Variants in PGM5 observed in about 807,000 individuals in gnomAD.
PGM5 encodes the protein phosphoglucomutase 5.
Under a neutral mutation model 59.2 loss-of-function variants are expected in PGM5, and 23 were observed. The observed-to-expected ratio is 0.39, with a 90% CI of 0.28 to 0.55. The LOEUF is 0.55. Ranked by LOEUF, PGM5 falls within the 20% of genes least tolerant of loss-of-function variation. The pLI is 0.66. For synonymous variants in PGM5, 214 were observed against 286.0 expected (o/e 0.75, Z 2.54); for missense variants, 574 against 748.3 (o/e 0.77, Z 2.72).
intron 6 of PGM5, among the ~76,000 whole-genome samples, chr9:68,416,592 G>A (rs1457474429): frequency 6.6e-6 from 1 of 152,196 alleles, no homozygotes; most frequent in Non-Finnish European, 1.5e-5. Context: ...TAAAGAATAT[G>A]TATTCTCTTT....
At chr9:68,443,010 C>A (rs1473776187) in intron 6 of PGM5, among the ~76,000 whole-genome samples, 2 of 152,188 alleles carry the variant, frequency 1.3e-5, no homozygotes, top group Admixed American at 1.3e-4. Flanking sequence ...TAAAACTAAA[C>A]AGATGCTTAC....
intron 8 of PGM5, among the ~76,000 whole-genome samples, chr9:68,483,112 A>G (rs1479785115): frequency 6.6e-6 from 1 of 150,828 alleles, no homozygotes; most frequent in Non-Finnish European, 1.5e-5. Flanking sequence ...CCCATTTTTC[A>G]TTCCATTCTA....
At chr9:68,478,740 T>G (rs1824144458) in intron 7 of PGM5, among the ~76,000 whole-genome samples, 1 of 152,232 alleles carries the variant, frequency 6.6e-6, no homozygotes, top group East Asian at 1.9e-4. Context: ...CTTCTCCTCT[T>G]CTTATAAGAA....
At chr9:68,373,273 G>C (rs1482673381) in intron 1 of PGM5, among the ~76,000 whole-genome samples, 1 of 150,118 alleles carries the variant, frequency 6.7e-6, no homozygotes, top group Admixed American at 6.7e-5. Context: ...CCAGATGATA[G>C]GACCATGTCC....
At chr9:68,519,269 G>T (rs1391365555) in intron 10 of PGM5, among the ~76,000 whole-genome samples, 3 of 152,118 alleles carry the variant, frequency 2.0e-5, no homozygotes, top group Non-Finnish European at 4.4e-5. Flanking sequence ...TTAAAAATAG[G>T]AGTTGGTATA....
chr9:68,518,069 C>CCAAAGAGGCAG (rs1824848339), intron 10 of PGM5, among the ~76,000 whole-genome samples: 1 of 152,176 alleles, frequency 6.6e-6, no homozygotes, highest in South Asian at 2.1e-4. Flanking sequence ...AGGAGACTAA[C>CCAAAGAGGCAG]CAAAGAGGCA....
rs868949450 is a variant in PGM5 at position 68,385,877 on chromosome 9, G to C, written c.571+1333G>C. On this transcript the variant is annotated intron_variant, in intron 3 of 10. Transcript: ENST00000396396. ...AGGAGATAGGTAGAGAGATTCCCTG[G>C]CTTCCAAGAATTTGGAGATAATCGT... 2.6e-5 allele frequency among the ~76,000 whole-genome samples: 4 copies of C among 152,144 alleles called. No homozygotes were observed. The Middle Eastern group carries it at 0.014, about 517-fold the overall frequency.
At chr9:68,449,829 C>T (rs1823667647) in intron 6 of PGM5, among the ~76,000 whole-genome samples, 1 of 152,200 alleles carries the variant, frequency 6.6e-6, no homozygotes, top group Admixed American at 6.5e-5. Flanking sequence ...GACTGGCTTA[C>T]AAGTGTCGCA....
chr9:68,445,210 GAAA>G (rs147056641), intron 6 of PGM5, among the ~76,000 whole-genome samples: 1 of 150,444 alleles, frequency 6.6e-6, no homozygotes, highest in African/African-American at 2.4e-5. Context: ...TAGATAGGTG[GAAA>G]AAAAAATCCC....
intron 1 of PGM5, among the ~76,000 whole-genome samples, chr9:68,376,109 A>G (rs1459321824): frequency 2.0e-5 from 3 of 151,540 alleles, no homozygotes; most frequent in Non-Finnish European, 4.4e-5. Flanking sequence ...GGACAAGGAA[A>G]GCTATTGGAA....
intron 6 of PGM5, among the ~76,000 whole-genome samples, chr9:68,415,379 G>A (rs1440018484): frequency 6.7e-6 from 1 of 148,842 alleles, no homozygotes; most frequent in African/African-American, 2.6e-5. Flanking sequence ...ATCCAGCAGG[G>A]CAGAGGCCAG....
At chr9:68,523,114 T>G (rs1051861911) in intron 10 of PGM5, among the ~76,000 whole-genome samples, 6 of 152,302 alleles carry the variant, frequency 3.9e-5, no homozygotes, top group African/African-American at 1.4e-4. Flanking sequence ...CCAGGCTCTA[T>G]TGTAGGTTGC....
At chr9:68,450,674 C>G (rs991774081) in intron 6 of PGM5, among the ~76,000 whole-genome samples, 2 of 152,182 alleles carry the variant, frequency 1.3e-5, no homozygotes, top group African/African-American at 4.8e-5. Flanking sequence ...GGGGAAAAAT[C>G]CACTGTCATA....
chr9:68,499,835 C>G (rs1488601377), intron 10 of PGM5, among the ~76,000 whole-genome samples: 2 of 152,100 alleles, frequency 1.3e-5, no homozygotes, highest in African/African-American at 4.8e-5. Context: ...ATATAGGTGG[C>G]CTTTTAAGTT....
chr9:68,434,200 C>T (rs139956529), intron 6 of PGM5, among the ~76,000 whole-genome samples: 1,534 of 151,040 alleles, frequency 0.01, 15 homozygotes, highest in Non-Finnish European at 0.018. Context: ...GCCTGTAACC[C>T]GAGCTACTTG....
intron 2 of PGM5, among the ~76,000 whole-genome samples, chr9:68,383,974 G>A (rs1184393206): frequency 6.6e-6 from 1 of 151,922 alleles, no homozygotes; most frequent in Non-Finnish European, 1.5e-5. Flanking sequence ...GGAATAGAAA[G>A]CATAGTCTCC....
Position 68,499,326 on chromosome 9 carries a change from G to T in PGM5, c.1579G>T (p.Glu527Ter). ...ATLRLYAESY[E>*]RDPSGHDQEP... is the part of the protein sequence containing the mutation. ...CCTCAGACTGTACGCAGAGAGCTAC[G>T]AGAGGGATCCCAGCGGCCATGACCA... The change falls in exon 10 of 11, where the codon GAG (glutamate) becomes TAG (stop). Residue 527 changes from glutamate (E) to a stop codon, truncating the protein, a stop_gained. Transcript: ENST00000396396. LOFTEE classifies it high-confidence loss of function. 1.2e-6 allele frequency: 2 copies of T among 1,614,124 alleles called. No homozygotes were observed. Among genetic ancestry groups the T allele is most frequent in the South Asian group, 2.2e-5 (2 of 91,080 alleles).
intron 3 of PGM5, among the ~76,000 whole-genome samples, chr9:68,387,191 T>C (rs1822244187): frequency 1.3e-5 from 2 of 152,038 alleles, no homozygotes; most frequent in African/African-American, 2.4e-5. Flanking sequence ...TCTTAATTTA[T>C]TCTTGTGGTT....
chr9:68,376,221 C>A (rs1310114903), intron 1 of PGM5, among the ~76,000 whole-genome samples: 1 of 151,932 alleles, frequency 6.6e-6, no homozygotes, highest in Non-Finnish European at 1.5e-5. Flanking sequence ...CTGTTTAAAA[C>A]CTTTCAATGG....
Sources: gnomAD v4.1 joint callset for allele counts (sites outside exome capture counted in the v4.1 genomes callset) on GRCh38, gnomAD v4.1.1 for gene constraint, MANE v1.5 for transcripts, NCBI Gene and HGNC (gene_info 2026-07-23, HGNC 2026-07-21) for gene names.